CNTNAP5: variants seen among roughly 807,000 people sequenced by gnomAD.
CNTNAP5 encodes contactin associated protein family member 5.
Under a neutral mutation model 150.2 loss-of-function variants are expected in CNTNAP5, and 72 were observed. The ratio of observed to expected loss-of-function variants is 0.48; its 90% CI spans 0.40 to 0.58. The LOEUF (loss-of-function observed/expected upper bound fraction) is 0.58. Among genes scored for constraint, CNTNAP5 ranks in the 20% least tolerant of loss-of-function variants. The pLI is 0.00. For missense variants in CNTNAP5, 1,636 were observed against 1,626.2 expected (o/e 1.01, Z -0.10); for synonymous variants, 672 against 619.8 (o/e 1.08, Z -1.25).
intron 17 of CNTNAP5, among the ~76,000 whole-genome samples, chr2:124,788,934 A>C (rs1681658755): frequency 6.6e-6 from 1 of 152,130 alleles, no homozygotes; most frequent in Non-Finnish European, 1.5e-5. Flanking sequence ...TGCCTGGCCT[A>C]TTGTATGATC....
At chr2:124,831,028 T>A (rs1682705579) in intron 19 of CNTNAP5, among the ~76,000 whole-genome samples, 1 of 152,060 alleles carries the variant, frequency 6.6e-6, no homozygotes, top group Non-Finnish European at 1.5e-5. Flanking sequence ...TATTTTTAGA[T>A]AACCTTATTT....
chr2:124,464,347 A>G (rs796518564), intron 6 of CNTNAP5, among the ~76,000 whole-genome samples: 5 of 152,282 alleles, frequency 3.3e-5, no homozygotes, highest in African/African-American at 1.2e-4. Context: ...CTGGCAAAAA[A>G]GAAATAGGAT....
At chr2:124,108,432 A>G (rs1414258678) in intron 1 of CNTNAP5, among the ~76,000 whole-genome samples, 2 of 152,130 alleles carry the variant, frequency 1.3e-5, no homozygotes, top group Non-Finnish European at 2.9e-5. Flanking sequence ...GGGACCATCA[A>G]TAGAAGACGA....
chr2:124,401,241 G>C (rs1305654252), intron 3 of CNTNAP5, among the ~76,000 whole-genome samples: 1 of 152,342 alleles, frequency 6.6e-6, no homozygotes, highest in Non-Finnish European at 1.5e-5. Flanking sequence ...AGTAGCAACA[G>C]AGGAGTCTGG....
At chr2:124,719,804 C>T (rs904052280) in intron 13 of CNTNAP5, among the ~76,000 whole-genome samples, 7 of 152,080 alleles carry the variant, frequency 4.6e-5, no homozygotes, top group Non-Finnish European at 1.0e-4. Context: ...AAATGCCTCT[C>T]GAGAAACTTT....
In CNTNAP5 at chr2:124,417,644, C is replaced by T. The variant is rs759799002; in HGVS notation, c.529+54C>T. ...TGCTGAGTGTGAGTGGCACCGCCTA[C>T]GTAACATCAGTTTATCTACATTGAG... is the stretch of plus-strand genomic sequence containing the variant. On this transcript the variant is annotated intron_variant, in intron 4 of 23. Coordinates refer to ENST00000682447, the MANE Select transcript of CNTNAP5 (RefSeq NM_001367498.1). 3.0e-5 allele frequency: 46 copies of T among 1,510,112 alleles called. 1 individual carries two copies. Among genetic ancestry groups the T allele is most frequent in the South Asian group, 9.5e-5 (8 of 83,776 alleles). 93.5% of individuals were successfully genotyped at this position (1,510,112 alleles called of 1,614,324 possible). A position where few individuals can be genotyped will look rare whatever the true frequency, so the allele number is the denominator to read the frequency against.
At chr2:124,318,241 G>A (rs1410238880) in intron 3 of CNTNAP5, among the ~76,000 whole-genome samples, 5 of 152,282 alleles carry the variant, frequency 3.3e-5, no homozygotes, top group East Asian at 1.9e-4. Flanking sequence ...AGTCACGCAG[G>A]CCTCTTTTGC....
intron 1 of CNTNAP5, among the ~76,000 whole-genome samples, chr2:124,063,655 G>A (rs1320950707): frequency 6.6e-6 from 1 of 152,054 alleles, no homozygotes; most frequent in Non-Finnish European, 1.5e-5. Context: ...TATATGTCTG[G>A]CACTAAAATA....
intron 2 of CNTNAP5, among the ~76,000 whole-genome samples, chr2:124,232,125 C>T (rs141483257): frequency 6.6e-6 from 1 of 151,992 alleles, no homozygotes. Flanking sequence ...TGCAAAGAGA[C>T]AAGAGCTTCT....
At chr2:124,395,468 A>G (rs1691222056) in intron 3 of CNTNAP5, among the ~76,000 whole-genome samples, 1 of 152,086 alleles carries the variant, frequency 6.6e-6, no homozygotes, top group Admixed American at 6.6e-5. Flanking sequence ...CAGCTGGATC[A>G]TTTTCTACAT....
At chr2:124,658,919 A>C (rs1020261563) in intron 13 of CNTNAP5, among the ~76,000 whole-genome samples, 1 of 152,080 alleles carries the variant, frequency 6.6e-6, no homozygotes, top group Non-Finnish European at 1.5e-5. Context: ...CTTTCTTCAC[A>C]CCTGAGTCCT....
At chr2:124,753,590 A>G (rs1680776572) in intron 14 of CNTNAP5, among the ~76,000 whole-genome samples, 1 of 152,192 alleles carries the variant, frequency 6.6e-6, no homozygotes, top group Non-Finnish European at 1.5e-5. Context: ...TGCCCGGATT[A>G]TTTCATTTAC....
At chr2:124,482,156 G>A (rs1037778093) in intron 7 of CNTNAP5, among the ~76,000 whole-genome samples, 3 of 152,122 alleles carry the variant, frequency 2.0e-5, no homozygotes, top group Non-Finnish European at 2.9e-5. Flanking sequence ...AGTAATAAAC[G>A]CAATGACCAC....
chr2:124,156,946 G>A (rs116181811), intron 1 of CNTNAP5, among the ~76,000 whole-genome samples: 1,879 of 152,278 alleles, frequency 0.012, 19 homozygotes, highest in Non-Finnish European at 0.021. Context: ...CTATCTTGTA[G>A]AGTTATTATT....
intron 7 of CNTNAP5, among the ~76,000 whole-genome samples, chr2:124,493,065 C>T (rs1437726112): frequency 6.6e-6 from 1 of 152,052 alleles, no homozygotes; most frequent in African/African-American, 2.4e-5. Context: ...AAGCTGTCAA[C>T]CTTTAATGTT....
intron 3 of CNTNAP5, among the ~76,000 whole-genome samples, chr2:124,334,536 C>A (rs11694014): frequency 0.07 from 10,609 of 152,066 alleles, 476 homozygotes; most frequent in East Asian, 0.22. Flanking sequence ...GAAACAGGAT[C>A]CTATAGAGAG....
At chr2:124,532,337 T>C (rs898606815) in intron 10 of CNTNAP5, among the ~76,000 whole-genome samples, 1 of 152,180 alleles carries the variant, frequency 6.6e-6, no homozygotes, top group African/African-American at 2.4e-5. Context: ...GAGGGGACAT[T>C]CAGAGTGGCA....
intron 7 of CNTNAP5, among the ~76,000 whole-genome samples, chr2:124,491,134 T>C (rs1436038466): frequency 1.3e-5 from 2 of 152,162 alleles, no homozygotes; most frequent in African/African-American, 4.8e-5. Context: ...ACCATCATCG[T>C]CTATGCTGTA....
At chr2:124,182,011 C>A (rs1268114746) in intron 1 of CNTNAP5, among the ~76,000 whole-genome samples, 1 of 152,120 alleles carries the variant, frequency 6.6e-6, no homozygotes, top group Non-Finnish European at 1.5e-5. Flanking sequence ...ATGTATTAGA[C>A]ATAAAGTCAT....
Sources: allele counts gnomAD v4.1 joint callset (sites outside exome capture counted in the v4.1 genomes callset), GRCh38; gene constraint gnomAD v4.1.1; transcripts MANE v1.5; gene names NCBI Gene and HGNC (gene_info 2026-07-23, HGNC 2026-07-21).